SLC43A1: variants seen among roughly 807,000 people sequenced by gnomAD.
The protein encoded by SLC43A1 is solute carrier family 43 member 1, also known as large neutral amino acids transporter small subunit 3.
SLC43A1 carries 31 observed loss-of-function variants against 59.5 expected under a neutral mutation model. The ratio of observed to expected loss-of-function variants is 0.52; its 90% CI spans 0.39 to 0.70. The LOEUF is 0.70. Among genes scored for constraint, SLC43A1 ranks in the 30% least tolerant of loss-of-function variants. SLC43A1 has a pLI of 0.00. For missense variants in SLC43A1, 598 were observed against 717.8 expected (o/e 0.83, Z 1.91); for synonymous variants, 259 against 290.9 (o/e 0.89, Z 1.12).
At chr11:57,511,406 T>C (rs2135228375) in intron 2 of SLC43A1, among the ~76,000 whole-genome samples, 1 of 151,740 alleles carries the variant, frequency 6.6e-6, no homozygotes, top group South Asian at 2.1e-4. Context: ...CCAGCCTGGG[T>C]CACTGAGTGA....
At chr11:57,512,579 C>T (rs939773262) in intron 2 of SLC43A1, among the ~76,000 whole-genome samples, 2 of 151,600 alleles carry the variant, frequency 1.3e-5, no homozygotes, top group Non-Finnish European at 2.9e-5. Context: ...GGGACAGTGG[C>T]AGGTGTCAAG....
intron 11 of SLC43A1, 84 bp downstream of exon 11, chr11:57,491,140 C>A: frequency 7.0e-6 from 10 of 1,429,810 alleles, no homozygotes; most frequent in Non-Finnish European, 9.2e-6. Context: ...GAGAAAGCAA[C>A]AAGTTGCTGG....
intron 2 of SLC43A1, among the ~76,000 whole-genome samples, chr11:57,502,895 A>AAAAGG (rs1202741643): frequency 3.3e-5 from 5 of 151,588 alleles, no homozygotes; most frequent in African/African-American, 1.2e-4. Flanking sequence ...AAAAGAAAAG[A>AAAAGG]AAAGAAAAGA....
At position 57,515,688 on chromosome 11, in the gene SLC43A1, G is replaced by C. The variant is rs1944672781; in HGVS notation, c.-258C>G. ...CCGGGCGCCAGAGGTCTGCGAAGCT[G>C]GGCTTGGATGAAGTGGATCTGCGGA... On this transcript the variant is annotated 5_prime_UTR_variant, in exon 1 of 15. Coordinates refer to ENST00000278426, the MANE Select transcript of SLC43A1 (RefSeq NM_003627.6). This position sits in a 1 kb window ranked among gnomAD's most constrained non-coding sequence, Gnocchi z 5.3. The C allele has an allele frequency of 6.6e-6, 1 of 152,304 alleles. No homozygotes were observed. Among genetic ancestry groups the C allele is most frequent in the Admixed American group, 6.5e-5 (1 of 15,290 alleles). 9.4% of individuals were successfully genotyped at this position (152,304 alleles called of 1,614,324 possible). A position where few individuals can be genotyped will look rare whatever the true frequency, so the allele number is the denominator to read the frequency against.
chr11:57,512,970 T>C (rs1346724427), intron 2 of SLC43A1, among the ~76,000 whole-genome samples: 1 of 152,168 alleles, frequency 6.6e-6, no homozygotes, highest in Non-Finnish European at 1.5e-5. Context: ...CATCAGGTGC[T>C]GTGCAGGAAG....
intron 8 of SLC43A1, among the ~76,000 whole-genome samples, chr11:57,493,157 T>C (rs989630994): frequency 1.3e-5 from 2 of 152,188 alleles, no homozygotes; most frequent in Non-Finnish European, 1.5e-5. Context: ...CTTATCACAT[T>C]TTACTGATGA....
chr11:57,492,240 CA>C (rs1472262207), intron 8 of SLC43A1, among the ~76,000 whole-genome samples: 5 of 131,748 alleles, frequency 3.8e-5, no homozygotes, highest in African/African-American at 1.4e-4. Context: ...TATTTATATA[CA>C]GAAATTATAT....
At position 57,487,172 on chromosome 11, in the gene SLC43A1, T is replaced by G; in HGVS notation, c.1456A>C (p.Ile486Leu). The change falls in exon 14 of 15, where the codon ATC becomes CTC. Residue 486 changes from isoleucine to leucine, a missense_variant. Coordinates refer to ENST00000278426, the MANE Select transcript of SLC43A1 (RefSeq NM_003627.6). ...FGTLTGLQSLISAVFALLQQP... is the reference protein window; with the variant it reads ...FGTLTGLQSLLSAVFALLQQP... ...TGAAGCAAGGCGAACACAGCACTGA[T>G]GAGGGACTGCAGGCCTGTCAGCGTC... 2 of 1,614,066 alleles carry G rather than the reference T, an allele frequency of 1.2e-6. No homozygotes were observed. Among genetic ancestry groups the G allele is most frequent in the Non-Finnish European group, 1.7e-6 (2 of 1,179,964 alleles).
At chr11:57,504,475 C>A (rs1211397582) in intron 2 of SLC43A1, among the ~76,000 whole-genome samples, 1 of 152,174 alleles carries the variant, frequency 6.6e-6, no homozygotes, top group African/African-American at 2.4e-5. Context: ...ACAAACAATC[C>A]CACTAGCGTG....
chr11:57,497,176 G>A (rs946330636), intron 6 of SLC43A1, among the ~76,000 whole-genome samples: 2 of 141,384 alleles, frequency 1.4e-5, no homozygotes, highest in South Asian at 2.6e-4. Flanking sequence ...ACTGCCCACC[G>A]TGGAGGTTGA....
chr11:57,513,568 G>A (rs1590788230), intron 2 of SLC43A1, among the ~76,000 whole-genome samples: 1 of 152,218 alleles, frequency 6.6e-6, no homozygotes, highest in Admixed American at 6.5e-5. Context: ...CTCCTGAAAA[G>A]GGAAGGATGT....
chr11:57,514,529 C>A lies in SLC43A1; in HGVS notation c.-13-405G>T. ...CCGCGGGCCCATGTCCGGACTCTCG[C>A]GCCAGGAAAGACCCCTAGAAGCTGG... On this transcript the variant is annotated intron_variant, in intron 1 of 14. Transcript: ENST00000278426. The surrounding 1 kb of genome is among the most constrained non-coding windows in gnomAD (Gnocchi z 5.5). The A allele has an allele frequency of 5.7e-6, 1 of 175,104 alleles. No individual in the cohort carries two copies. The highest frequency in any genetic ancestry group is 1.4e-4 in the South Asian group (1 of 7,252). 10.8% of individuals were successfully genotyped at this position (175,104 alleles called of 1,614,324 possible).
At position 57,514,134 on chromosome 11, in the gene SLC43A1, AACAGAGC is replaced by A. The variant is rs763472521; in HGVS notation, c.-13-17_-13-11del. 24 of 1,570,822 alleles carry A rather than the reference AACAGAGC, an allele frequency of 1.5e-5. No individual in the cohort carries two copies. Among genetic ancestry groups the A allele is most frequent in the African/African-American group, 4.1e-5 (3 of 73,682 alleles). On this transcript the variant is annotated splice_polypyrimidine_tract_variant and intron_variant, in intron 1 of 14. Transcript: ENST00000278426. The surrounding 1 kb of genome is among the most constrained non-coding windows in gnomAD (Gnocchi z 5.5). The stretch of plus-strand genomic sequence containing the variant: ...CATGCTGGCCCCGAGCCTGCACAGA[AACAGAGC>A]GCTGGGTGAAGGGCCCCCCAGTGGC...
chr11:57,498,293 T>C (rs893290947), intron 5 of SLC43A1, among the ~76,000 whole-genome samples: 2 of 151,994 alleles, frequency 1.3e-5, no homozygotes, highest in African/African-American at 4.8e-5. Context: ...ATACAAAAAT[T>C]AGCTAGGCAT....
intron 11 of SLC43A1, among the ~76,000 whole-genome samples, chr11:57,490,323 A>C (rs1029594247): frequency 2.6e-5 from 4 of 151,910 alleles, no homozygotes; most frequent in Admixed American, 6.6e-5. Context: ...AAAAAAAAAA[A>C]AAACCCTCAA....
At position 57,485,038 on chromosome 11, in the gene SLC43A1, T is replaced by C. The variant is rs1943690362; in HGVS notation, c.*58A>G. The C allele has an allele frequency of 6.5e-7, 1 of 1,542,674 alleles. No individual in the cohort carries two copies. Among genetic ancestry groups the C allele is most frequent in the Admixed American group, 2.1e-5 (1 of 47,144 alleles). On this transcript the variant is annotated 3_prime_UTR_variant, in exon 15 of 15. Coordinates refer to ENST00000278426, the MANE Select transcript of SLC43A1 (RefSeq NM_003627.6). ...CAGGTAGAAAAGCCATATGGGGCACTCCTTTTGGTTGCTCAGGCCTTGATT... is the reference window on the plus strand; with the variant it reads ...CAGGTAGAAAAGCCATATGGGGCACCCCTTTTGGTTGCTCAGGCCTTGATT...
rs142199497 is a variant in SLC43A1 at position 57,501,228 on chromosome 11, C to G, written c.256G>C (p.Val86Leu). 7 of 1,612,466 alleles carry G rather than the reference C, an allele frequency of 4.3e-6. 1 individual carries two copies. The Middle Eastern group carries it at 4.9e-4, about 114-fold the overall frequency. Reference protein sequence around the residue: ...LNLGFTIGSFVLSATTLPLGI... With the variant: ...LNLGFTIGSFLLSATTLPLGI... ...AGTGGCAGGGTGGTGGCGCTGAGCA[C>G]GAAGGAACCAATGGTGAAGCCCAGG... Residue 86 changes from valine to leucine, a missense_variant, in exon 3 of 15, where the codon GTG becomes CTG. Val to Leu is a conservative substitution (Grantham distance 32, BLOSUM62 1). Transcript: ENST00000278426.
chr11:57,493,818 C>T (rs1312582255), intron 8 of SLC43A1, among the ~76,000 whole-genome samples, 175 bp downstream of exon 8: 1 of 152,208 alleles, frequency 6.6e-6, no homozygotes, highest in African/African-American at 2.4e-5. Context: ...AACTTCCCAG[C>T]GTTAGCTGAG....
intron 14 of SLC43A1, 93 bp from the exon 15 acceptor site, chr11:57,485,335 T>G: frequency 8.2e-7 from 1 of 1,225,008 alleles, no homozygotes; most frequent in Non-Finnish European, 1.1e-6. Flanking sequence ...TTTCTCCAGG[T>G]CCTGAGCCAG....
Sources: gnomAD v4.1 joint callset for allele counts (sites outside exome capture counted in the v4.1 genomes callset) on GRCh38, gnomAD v4.1.1 for gene constraint, Gnocchi (gnomAD v3.1) non-coding constraint, MANE v1.5 for transcripts, NCBI Gene and HGNC (gene_info 2026-07-23, HGNC 2026-07-21) for gene names.